The following GABRB3 variants were observed in gnomAD, a reference collection of about 807,000 sequenced individuals.
GABRB3 encodes the protein gamma-aminobutyric acid receptor subunit beta-3.
A neutral mutation model predicts 52.1 loss-of-function variants in GABRB3; 14 were observed. The observed-to-expected ratio is 0.27, with a 90% CI of 0.18 to 0.42. GABRB3 has a LOEUF of 0.42. Among genes scored for constraint, GABRB3 ranks in the 10% least tolerant of loss-of-function variants. The pLI is 1.00. For missense variants in GABRB3, 307 were observed against 609.1 expected, an observed-to-expected ratio of 0.50 and a Z score of 5.22; for synonymous variants, 260 against 232.3, an observed-to-expected ratio of 1.12 and a Z score of -1.08.
At chr15:26,712,989 G>A (rs374128062) in intron 3 of GABRB3, among the ~76,000 whole-genome samples, 2 of 152,230 alleles carry the variant, frequency 1.3e-5, no homozygotes, top group African/African-American at 2.4e-5. Context: ...ACGGAGGGGC[G>A]AGGTTGCTGG....
chr15:26,687,476 C>CTTCTCT (rs1888442869), intron 3 of GABRB3, among the ~76,000 whole-genome samples: 1 of 152,108 alleles, frequency 6.6e-6, no homozygotes, highest in African/African-American at 2.4e-5. Context: ...CGACATCATG[C>CTTCTCT]TTCTCTTTCT....
chr15:26,558,795 G>T (rs907478756), intron 8 of GABRB3, among the ~76,000 whole-genome samples: 1 of 151,136 alleles, frequency 6.6e-6, no homozygotes, highest in Non-Finnish European at 1.5e-5. Context: ...CCAAGATCAC[G>T]CCATCACACT....
intron 8 of GABRB3, among the ~76,000 whole-genome samples, chr15:26,554,191 C>CATATATA (rs1567097873): frequency 1.3e-4 from 2 of 15,572 alleles, no homozygotes; most frequent in Admixed American, 2.5e-3. Flanking sequence ...TATATATATA[C>CATATATA]TATATATATA....
chr15:26,670,126 G>T (rs1169597563), intron 3 of GABRB3, among the ~76,000 whole-genome samples: 1 of 152,236 alleles, frequency 6.6e-6, no homozygotes, highest in Non-Finnish European at 1.5e-5. Context: ...AAGTCTCCCG[G>T]TGCGGGAGCC....
intron 3 of GABRB3, among the ~76,000 whole-genome samples, chr15:26,648,692 G>T (rs1887092854): frequency 6.6e-6 from 1 of 152,216 alleles, no homozygotes; most frequent in Non-Finnish European, 1.5e-5. Flanking sequence ...GACCCAGGAG[G>T]TCACAGGAGA....
At chr15:26,579,326 C>T (rs1014406689) in intron 6 of GABRB3, among the ~76,000 whole-genome samples, 1 of 152,160 alleles carries the variant, frequency 6.6e-6, no homozygotes, top group South Asian at 2.1e-4. Context: ...GAGATGCACC[C>T]CAGCCACTTA....
intron 3 of GABRB3, among the ~76,000 whole-genome samples, chr15:26,731,396 G>A (rs947939256): frequency 6.6e-6 from 1 of 152,202 alleles, no homozygotes; most frequent in East Asian, 1.9e-4. Context: ...GAATTCTTGA[G>A]TTGAATAAAA....
intron 3 of GABRB3, among the ~76,000 whole-genome samples, chr15:26,710,262 T>C (rs986455443): frequency 1.3e-5 from 2 of 152,104 alleles, no homozygotes; most frequent in African/African-American, 4.8e-5. Context: ...GTTTTTTTGT[T>C]TTGTTTTGTT....
rs759004333 is a variant in GABRB3, at chr15:26,734,894, C to T, written c.240+37508G>A. ...TTGTGCCACTGCACTCCAGCCTGTA[C>T]GACACAGCAAGAACCAGTCAAAACA... On this transcript the variant is annotated intron_variant, in intron 3 of 8. Transcript: ENST00000311550. Among the ~76,000 whole-genome samples, 8 of 152,128 alleles carry T rather than the reference C, an allele frequency of 5.3e-5. No homozygotes were observed. The South Asian group carries it at 8.3e-4, about 16-fold the overall frequency.
intron 3 of GABRB3, among the ~76,000 whole-genome samples, chr15:26,655,947 A>G (rs1887360086): frequency 6.6e-6 from 1 of 152,100 alleles, no homozygotes; most frequent in African/African-American, 2.4e-5. Context: ...GGTTGGATTT[A>G]TTCTTATCAT....
chr15:26,661,112 T>G (rs1758106731), intron 3 of GABRB3, among the ~76,000 whole-genome samples: 1 of 151,926 alleles, frequency 6.6e-6, no homozygotes, highest in African/African-American at 2.4e-5. Context: ...TTAAAAGAAA[T>G]ATTTCCTCAC....
At chr15:26,615,739 C>T in intron 4 of GABRB3, 5 of 1,105,462 alleles carry the variant, frequency 4.5e-6, no homozygotes, top group Non-Finnish European at 5.6e-6. Context: ...GCATGAATAA[C>T]AAAAGAAGCG....
chr15:26,585,682 G>A (rs1401315194), intron 4 of GABRB3, among the ~76,000 whole-genome samples: 2 of 152,206 alleles, frequency 1.3e-5, no homozygotes, highest in Non-Finnish European at 2.9e-5. Flanking sequence ...TACCAATGGT[G>A]AAAGTGTGTT....
At chr15:26,673,114 A>C (rs1039321384) in intron 3 of GABRB3, among the ~76,000 whole-genome samples, 7 of 152,190 alleles carry the variant, frequency 4.6e-5, no homozygotes, top group Non-Finnish European at 7.3e-5. Context: ...ATTCCAAACA[A>C]GCCGGGCACA....
intron 3 of GABRB3, among the ~76,000 whole-genome samples, chr15:26,635,246 A>C (rs1169535561): frequency 6.6e-6 from 1 of 151,780 alleles, no homozygotes; most frequent in Non-Finnish European, 1.5e-5. Context: ...AGGTACTTGA[A>C]CTGGGTGAAC....
intron 3 of GABRB3, among the ~76,000 whole-genome samples, chr15:26,633,734 G>A (rs528770000): frequency 6.6e-6 from 1 of 152,202 alleles, no homozygotes; most frequent in African/African-American, 2.4e-5. Context: ...CTTAAAGCCC[G>A]TGCACCTGGA....
At chr15:26,771,592 G>A (rs1006499461) in intron 3 of GABRB3, among the ~76,000 whole-genome samples, 2 of 152,172 alleles carry the variant, frequency 1.3e-5, no homozygotes, top group Admixed American at 6.5e-5. Context: ...CAAATGAAAG[G>A]GCCATCCTTC....
chr15:26,677,489 C>T (rs1888106410), intron 3 of GABRB3, among the ~76,000 whole-genome samples: 2 of 152,112 alleles, frequency 1.3e-5, no homozygotes, highest in South Asian at 2.1e-4. Flanking sequence ...CCATCCTTCT[C>T]CACCCGGGAG....
chr15:26,628,159 C>T (rs1332724212), intron 3 of GABRB3, among the ~76,000 whole-genome samples: 2 of 152,204 alleles, frequency 1.3e-5, no homozygotes, highest in African/African-American at 4.8e-5. Context: ...TAATAGACTA[C>T]AATGTAGTAT....
Sources: gnomAD v4.1 joint callset for allele counts (sites outside exome capture counted in the v4.1 genomes callset) on GRCh38, gnomAD v4.1.1 for gene constraint, MANE v1.5 for transcripts, NCBI Gene and HGNC (gene_info 2026-07-23, HGNC 2026-07-21) for gene names.